Variants in ISY1 observed in about 807,000 individuals in gnomAD.
ISY1 encodes ISY1 spliceosome associated protein, also known as pre-mRNA-splicing factor ISY1 homolog.
ISY1 carries 12 observed loss-of-function variants against 54.4 expected under a neutral mutation model. The ratio of observed to expected loss-of-function variants is 0.22; its 90% confidence interval spans 0.14 to 0.36. ISY1 has a LOEUF of 0.36. Among genes scored for constraint, ISY1 ranks in the 10% least tolerant of loss-of-function variants. The pLI, the probability that ISY1 is intolerant of heterozygous loss-of-function variation, is 1.00. For synonymous variants in ISY1, 96 were observed against 117.9 expected (o/e 0.81, Z 1.20); for missense variants, 282 against 342.2 (o/e 0.82, Z 1.39).
At chr3:129,154,348 T>C (rs1450715712) in intron 5 of ISY1, among the ~76,000 whole-genome samples, 1 of 133,266 alleles carries the variant, frequency 7.5e-6, no homozygotes, top group African/African-American at 2.9e-5. Flanking sequence ...CCCAGGGAGG[T>C]GAACCCAGGG....
chr3:129,130,513 C>A (rs757495276), intron 10 of ISY1, 37 bp downstream of exon 10: 1 of 1,606,052 alleles, frequency 6.2e-7, no homozygotes, highest in Non-Finnish European at 8.5e-7. Context: ...TTTAGAGAAG[C>A]CCCCGGCGCC....
intron 6 of ISY1, chr3:129,144,077 CT>C: frequency 2.8e-6 from 1 of 351,156 alleles, no homozygotes; most frequent in South Asian, 2.3e-5. Context: ...CCTGAGACCA[CT>C]TTTCTAGGTG....
At chr3:129,159,418 CA>C (rs1452526713) in intron 1 of ISY1, among the ~76,000 whole-genome samples, 12 of 152,206 alleles carry the variant, frequency 7.9e-5, no homozygotes, top group African/African-American at 2.9e-4. Flanking sequence ...GGCTAACTTG[CA>C]TTATTCTTCC....
chr3:129,136,525 C>G (rs532905357), intron 7 of ISY1, among the ~76,000 whole-genome samples: 1 of 151,238 alleles, frequency 6.6e-6, no homozygotes, highest in Non-Finnish European at 1.5e-5. Flanking sequence ...TTTTGTGGGA[C>G]GGAGTCTCGC....
At position 129,140,399 on chromosome 3, in the gene ISY1, C is replaced by A. The variant is rs1291093197; in HGVS notation, c.387G>T (p.Leu129Phe). Residue 129 changes from leucine (L) to phenylalanine (F), a missense_variant, in exon 7 of 11, where the codon TTG (leucine) becomes TTT (phenylalanine). By Grantham distance (22) the Leu-to-Phe change is conservative (BLOSUM62 0). Coordinates refer to ENST00000393295, the MANE Select transcript of ISY1 (RefSeq NM_020701.4). ...GYKYFGAAKD[L>F]PGVRELFEKE... ...TTTCAAACAGCTCTCTAACACCAGG[C>A]AAATCTTTTGCTGCTCCAAAGTACT... 9.3e-6 allele frequency: 15 copies of A among 1,612,188 alleles called. No homozygotes were observed. Among genetic ancestry groups the A allele is most frequent in the Non-Finnish European group, 1.2e-5 (14 of 1,179,578 alleles).
rs776131680 is a variant in ISY1, at chr3:129,130,599, T to C, written c.701A>G (p.Asp234Gly). Residue 234 changes from aspartate (D) to glycine (G), a missense_variant, in exon 10 of 11, where the codon GAC (aspartate) becomes GGC (glycine). Transcript: ENST00000393295. ...GTGAGCAATGAACTTCTGCTGGCTGTCGTCCCCTCCTTTCTCCTGGCTGCC... is the reference window on the plus strand; with the variant it reads ...GTGAGCAATGAACTTCTGCTGGCTGCCGTCCCCTCCTTTCTCCTGGCTGCC... ...EEGSQEKGGD[D>G]SQQKFIAHVP... 1 of 1,614,204 alleles carries C rather than the reference T, an allele frequency of 6.2e-7. No individual in the cohort carries two copies.
Position 129,137,276 on chromosome 3 carries a change from G to A in ISY1, c.419-2322C>T, listed in dbSNP as rs1040209529. On this transcript the variant is annotated intron_variant, in intron 7 of 10. Coordinates refer to ENST00000393295, the MANE Select transcript of ISY1 (RefSeq NM_020701.4). ...AATGGTTATCAGTTACCTCTAGGAG[G>A]GGCACTGGGATGAGTGTAGAGGTAA... 4 of 958,060 alleles carry A rather than the reference G, an allele frequency of 4.2e-6. No individual in the cohort carries two copies. The African/African-American group carries it at 5.3e-5, about 13-fold the overall frequency. The allele number at this position is 958,060 out of a possible 1,614,324, so 59.3% of individuals were successfully genotyped here.
At chr3:129,147,913 A>T (rs1368486123) in intron 5 of ISY1, among the ~76,000 whole-genome samples, 4 of 152,032 alleles carry the variant, frequency 2.6e-5, no homozygotes, top group Non-Finnish European at 5.9e-5. Flanking sequence ...TTCACTCAGC[A>T]TTAGGCTGAG....
intron 5 of ISY1, 84 bp downstream of exon 5, chr3:129,156,549 G>C: frequency 7.2e-7 from 1 of 1,384,488 alleles, no homozygotes; most frequent in East Asian, 2.3e-5. Context: ...TTGCTCTATT[G>C]ATTATTTTGA....
intron 5 of ISY1, among the ~76,000 whole-genome samples, chr3:129,149,847 G>A (rs774188399): frequency 2.5e-4 from 37 of 147,658 alleles, no homozygotes; most frequent in Non-Finnish European, 4.8e-4. Context: ...GGTGGCATGC[G>A]TCTGCAGTCT....
chr3:129,138,128 C>CT (rs1374388081), intron 7 of ISY1, among the ~76,000 whole-genome samples: 2 of 144,878 alleles, frequency 1.4e-5, no homozygotes, highest in Admixed American at 1.4e-4. Context: ...AACACAAAAA[C>CT]TTTGCCGGGC....
rs770257274 is a variant in ISY1, at chr3:129,158,513, C to T, written c.73G>A (p.Val25Met). ...FRQAQLEEGK[V>M]KERRPFLASE... is the part of the protein sequence containing the mutation. Reference sequence around the variant, plus strand: ...TGAGGAAGATTTACACCAACCTTCACTTTTCCCTCTTCCAGCTGAGCCTGG... The same window carrying T: ...TGAGGAAGATTTACACCAACCTTCATTTTTCCCTCTTCCAGCTGAGCCTGG... The change falls in exon 3 of 11, where the codon GTG becomes ATG. Residue 25 changes from valine (V) to methionine (M), a missense_variant. This residue lies in a region of ISY1 where 279 missense variants were observed against 323.6 expected (regional missense o/e 0.86). Coordinates refer to ENST00000393295, the MANE Select transcript of ISY1 (RefSeq NM_020701.4). 8.1e-6 allele frequency: 13 copies of T among 1,613,966 alleles called. No individual in the cohort carries two copies. The South Asian group carries it at 1.2e-4, about 15-fold the overall frequency.
intron 7 of ISY1, among the ~76,000 whole-genome samples, chr3:129,139,612 A>G (rs1936544971): frequency 2.4e-5 from 1 of 41,006 alleles, no homozygotes; most frequent in Non-Finnish European, 5.6e-5. Context: ...GGTGTGCCCT[A>G]TTTGGATTCA....
intron 5 of ISY1, among the ~76,000 whole-genome samples, chr3:129,152,122 G>A (rs1936989022): frequency 6.6e-6 from 1 of 151,878 alleles, no homozygotes; most frequent in Non-Finnish European, 1.5e-5. Flanking sequence ...TTGCACCACT[G>A]CACTCCAGCA....
chr3:129,150,919 G>A (rs933221982), intron 5 of ISY1, among the ~76,000 whole-genome samples: 1 of 150,942 alleles, frequency 6.6e-6, no homozygotes, highest in Non-Finnish European at 1.5e-5. Context: ...GAGCCCAGAA[G>A]TTCCAGACCA....
At position 129,140,355 on chromosome 3, in the gene ISY1, C is replaced by A; in HGVS notation, c.418+13G>T. 5.5e-6 allele frequency: 8 copies of A among 1,455,882 alleles called. No homozygotes were observed. Among genetic ancestry groups the A allele is most frequent in the Non-Finnish European group, 6.3e-6 (7 of 1,111,752 alleles). 90.2% of individuals were successfully genotyped at this position (1,455,882 alleles called of 1,614,324 possible). ...TACCAATGAAAGGCTAAAACTGTCA[C>A]AAACTTACTTACGTTCTTTTTCAAA... is the stretch of plus-strand genomic sequence containing the variant. On this transcript the variant is annotated intron_variant, in intron 7 of 10. Coordinates refer to ENST00000393295, the MANE Select transcript of ISY1 (RefSeq NM_020701.4).
At chr3:129,157,718 A>T (rs1937186907) in intron 3 of ISY1, among the ~76,000 whole-genome samples, 1 of 145,788 alleles carries the variant, frequency 6.9e-6, no homozygotes, top group East Asian at 2.0e-4. Context: ...GTCCATCTCA[A>T]AAAAAAAAAA....
rs1165269250 is a variant in ISY1, at chr3:129,134,904, A to C, written c.469T>G (p.Phe157Val). The change falls in exon 8 of 11, where the codon TTT becomes GTT. Residue 157 changes from phenylalanine (F) to valine (V), a missense_variant. Phe to Val is a conservative substitution (Grantham distance 50). Around this residue, in one of 2 missense-constraint regions of ISY1, gnomAD observed 279 missense variants for 323.6 expected, o/e 0.86. Coordinates refer to ENST00000393295, the MANE Select transcript of ISY1 (RefSeq NM_020701.4). ...TRAELMKAID[F>V]EYYGYLDEDD... ...TCATCTAGGTAACCATAGTACTCAAAATCGATTGCCTTCATGAGCTCAGCA... is the reference window on the plus strand; with the variant it reads ...TCATCTAGGTAACCATAGTACTCAACATCGATTGCCTTCATGAGCTCAGCA... 6.2e-7 allele frequency: 1 copy of C among 1,611,702 alleles called. No individual in the cohort carries two copies. The highest frequency in any genetic ancestry group is 1.7e-5 in the Admixed American group (1 of 59,926).
intron 6 of ISY1, among the ~76,000 whole-genome samples, chr3:129,143,453 C>T (rs1283275109): frequency 6.6e-6 from 1 of 150,410 alleles, no homozygotes; most frequent in African/African-American, 2.4e-5. Flanking sequence ...TTGCAGTGAG[C>T]CAAGATCGCA....
Sources: allele counts gnomAD v4.1 joint callset (sites outside exome capture counted in the v4.1 genomes callset), GRCh38; gene constraint gnomAD v4.1.1; regional missense constraint gnomAD v4.1.1; transcripts MANE v1.5; gene names NCBI Gene and HGNC (gene_info 2026-07-23, HGNC 2026-07-21).